The following RGS17 variants were observed in gnomAD, a reference collection of about 807,000 sequenced individuals.
The protein encoded by RGS17 is regulator of G-protein signaling 17.
In RGS17, 12 loss-of-function variants were observed where a neutral mutation model predicts 25.5. The ratio of observed to expected loss-of-function variants is 0.47; its 90% CI spans 0.30 to 0.76. The LOEUF (loss-of-function observed/expected upper bound fraction) is 0.76, where lower values mean the gene tolerates loss of function less well. RGS17 is among the 30% of genes least tolerant of loss of function. The probability of loss-of-function intolerance (pLI) is 0.07; values close to 1 mark genes in which losing one functional copy is unlikely to be tolerated. For synonymous variants in RGS17, 71 were observed against 76.9 expected, an observed-to-expected ratio of 0.92 and a Z score of 0.40; for missense variants, 196 against 242.2, an observed-to-expected ratio of 0.81 and a Z score of 1.27.
At chr6:153,077,165 GT>G (rs1378894868) in intron 1 of RGS17, among the ~76,000 whole-genome samples, 2 of 152,038 alleles carry the variant, frequency 1.3e-5, no homozygotes, top group Non-Finnish European at 2.9e-5. Context: ...TAATTTTCAA[GT>G]TACAGAAACA....
At chr6:153,083,679 T>C (rs1197908323) in intron 1 of RGS17, among the ~76,000 whole-genome samples, 1 of 152,192 alleles carries the variant, frequency 6.6e-6, no homozygotes, top group South Asian at 2.1e-4. Flanking sequence ...GATCTTGGAA[T>C]TGAAATGCAA....
chr6:153,130,630 AC>A lies in RGS17; in HGVS notation c.-26+493del, dbSNP rs1584172440. 6.6e-6 allele frequency among the ~76,000 whole-genome samples: 1 copy of A among 152,114 alleles called. No individual in the cohort carries two copies. Among genetic ancestry groups the A allele is most frequent in the East Asian group, 1.9e-4 (1 of 5,170 alleles). On this transcript the variant is annotated intron_variant, in intron 1 of 4. Transcript: ENST00000206262. This position sits in a 1 kb window ranked among gnomAD's most constrained non-coding sequence, Gnocchi z 6.4. Reference sequence around the variant, plus strand: ...AGAGAGATAAGGGAGGAAACACAGCACCCAAGGTGATCAGTCGATTGGACAC... The same window carrying A: ...AGAGAGATAAGGGAGGAAACACAGCACCAAGGTGATCAGTCGATTGGACAC...
intron 2 of RGS17, among the ~76,000 whole-genome samples, chr6:153,033,546 T>C (rs1188599207): frequency 6.6e-6 from 1 of 151,948 alleles, no homozygotes; most frequent in African/African-American, 2.4e-5. Flanking sequence ...GGTGAAACCC[T>C]GTCTCTACTA....
intron 4 of RGS17, among the ~76,000 whole-genome samples, chr6:153,020,731 T>G (rs1779240428): frequency 6.6e-6 from 1 of 152,178 alleles, no homozygotes. Flanking sequence ...CATTACCATT[T>G]TATAATGAGT....
intron 4 of RGS17, among the ~76,000 whole-genome samples, chr6:153,012,915 C>T (rs1360031042): frequency 6.6e-6 from 1 of 152,148 alleles, no homozygotes; most frequent in Non-Finnish European, 1.5e-5. Context: ...TCCCCAGGTT[C>T]CTGACCTCAA....
chr6:153,014,754 C>T (rs1196080199), intron 4 of RGS17, among the ~76,000 whole-genome samples: 1 of 149,322 alleles, frequency 6.7e-6, no homozygotes, highest in Non-Finnish European at 1.5e-5. Flanking sequence ...GTCTTGATCG[C>T]GTTGCTGCAC....
intron 1 of RGS17, among the ~76,000 whole-genome samples, chr6:153,091,552 TCACACAGGATTG>T (rs1269276207): frequency 6.6e-6 from 1 of 151,860 alleles, no homozygotes; most frequent in Non-Finnish European, 1.5e-5. Flanking sequence ...ACAGGCTCTG[TCACACAGGATTG>T]CACACAGGTG....
At chr6:153,128,611 C>T (rs1360744750) in intron 1 of RGS17, among the ~76,000 whole-genome samples, 1 of 152,138 alleles carries the variant, frequency 6.6e-6, no homozygotes, top group Non-Finnish European at 1.5e-5. Context: ...TTTTACTTGG[C>T]TGTTACAGTA....
intron 1 of RGS17, among the ~76,000 whole-genome samples, chr6:153,078,122 C>G (rs1776913346): frequency 6.6e-6 from 1 of 152,134 alleles, no homozygotes; most frequent in African/African-American, 2.4e-5. Context: ...GATTTGCCTG[C>G]CTTGGCCTCC....
intron 1 of RGS17, among the ~76,000 whole-genome samples, chr6:153,123,480 A>G (rs1777666250): frequency 6.6e-6 from 1 of 152,204 alleles, no homozygotes; most frequent in Non-Finnish European, 1.5e-5. Flanking sequence ...ACGGGTTTGA[A>G]GTCTTCACTC....
intron 2 of RGS17, among the ~76,000 whole-genome samples, chr6:153,034,011 C>G (rs1186705811): frequency 6.6e-6 from 1 of 152,190 alleles, no homozygotes; most frequent in Non-Finnish European, 1.5e-5. Flanking sequence ...TCAATTGGAG[C>G]TCCAGTTTCT....
intron 3 of RGS17, among the ~76,000 whole-genome samples, chr6:153,025,238 G>A (rs1779286866): frequency 6.6e-6 from 1 of 151,962 alleles, no homozygotes; most frequent in Admixed American, 6.6e-5. Context: ...ACTTGAGACA[G>A]GAGCTTCAGG....
chr6:153,122,538 G>T (rs1777647227), intron 1 of RGS17, among the ~76,000 whole-genome samples: 1 of 152,098 alleles, frequency 6.6e-6, no homozygotes, highest in Admixed American at 6.5e-5. Flanking sequence ...AATAGCTTGA[G>T]TCAAAATTGC....
chr6:153,044,915 A>T (rs1325350473), intron 1 of RGS17, among the ~76,000 whole-genome samples: 2 of 152,218 alleles, frequency 1.3e-5, no homozygotes, highest in Non-Finnish European at 2.9e-5. Context: ...TATCAAATTT[A>T]GCATGAACTC....
chr6:153,112,708 G>A (rs984033646), intron 1 of RGS17, among the ~76,000 whole-genome samples: 2 of 152,220 alleles, frequency 1.3e-5, no homozygotes, highest in African/African-American at 4.8e-5. Context: ...AAGCCCATCA[G>A]ACTAATAGCA....
At chr6:153,070,930 T>C (rs922106867) in intron 1 of RGS17, among the ~76,000 whole-genome samples, 4 of 150,386 alleles carry the variant, frequency 2.7e-5, no homozygotes, top group African/African-American at 4.9e-5. Context: ...TGTGTATCTG[T>C]ACATGCACAT....
intron 1 of RGS17, among the ~76,000 whole-genome samples, chr6:153,094,144 T>C (rs1438039425): frequency 1.3e-5 from 2 of 152,020 alleles, no homozygotes; most frequent in Non-Finnish European, 2.9e-5. Context: ...GGCATGATCT[T>C]GGCTCACTGC....
At chr6:153,037,628 G>T (rs564446169) in intron 2 of RGS17, among the ~76,000 whole-genome samples, 2 of 151,608 alleles carry the variant, frequency 1.3e-5, no homozygotes, top group African/African-American at 2.4e-5. Context: ...GTTTCACCAT[G>T]TTGGTCAGGC....
chr6:153,043,258 C>T (rs1177658100), intron 2 of RGS17, among the ~76,000 whole-genome samples: 4 of 152,234 alleles, frequency 2.6e-5, no homozygotes, highest in Middle Eastern at 3.4e-3. Flanking sequence ...AGTGATAACA[C>T]CACAATGGGA....
Sources: gnomAD v4.1 joint callset for allele counts (sites outside exome capture counted in the v4.1 genomes callset) on GRCh38, gnomAD v4.1.1 for gene constraint, Gnocchi (gnomAD v3.1) non-coding constraint, MANE v1.5 for transcripts, NCBI Gene and HGNC (gene_info 2026-07-23, HGNC 2026-07-21) for gene names.